The following SGMS1 variants were observed in gnomAD, a reference collection of about 807,000 sequenced individuals.
SGMS1 encodes phosphatidylcholine:ceramide cholinephosphotransferase 1.
SGMS1 carries 13 observed loss-of-function variants against 46.2 expected under a neutral mutation model. That is an observed-to-expected ratio of 0.28 (90% CI 0.18 to 0.45). SGMS1 has a LOEUF of 0.45. Among genes scored for constraint, SGMS1 ranks in the 20% least tolerant of loss-of-function variants. The pLI, the probability that SGMS1 is intolerant of heterozygous loss-of-function variation, is 1.00. For synonymous variants in SGMS1, 203 were observed against 187.8 expected, an observed-to-expected ratio of 1.08 and a Z score of -0.66; for missense variants, 324 against 519.9, an observed-to-expected ratio of 0.62 and a Z score of 3.66.
chr10:50,512,611 T>C (rs1351174362), intron 3 of SGMS1, among the ~76,000 whole-genome samples: 1 of 152,178 alleles, frequency 6.6e-6, no homozygotes. Context: ...GATCCAGCTA[T>C]GAGGAAGTTC....
intron 6 of SGMS1, among the ~76,000 whole-genome samples, chr10:50,384,412 TTC>T (rs1441088739): frequency 6.6e-6 from 1 of 151,736 alleles, no homozygotes; most frequent in Admixed American, 6.6e-5. Flanking sequence ...CTTTCCTTCC[TTC>T]TTTCTCCTTT....
chr10:50,614,388 G>A (rs1019154961), intron 1 of SGMS1, among the ~76,000 whole-genome samples: 3 of 152,162 alleles, frequency 2.0e-5, no homozygotes, highest in East Asian at 1.9e-4. Flanking sequence ...TTCATGAGGC[G>A]GAAGGCACTT....
intron 6 of SGMS1, among the ~76,000 whole-genome samples, chr10:50,355,587 C>A (rs547399516): frequency 6.6e-6 from 1 of 152,314 alleles, no homozygotes; most frequent in South Asian, 2.1e-4. Flanking sequence ...CAATGTTGCC[C>A]AGGCTGGAGT....
intron 5 of SGMS1, among the ~76,000 whole-genome samples, chr10:50,449,246 T>C (rs1488537545): frequency 6.6e-6 from 1 of 152,234 alleles, no homozygotes; most frequent in East Asian, 1.9e-4. Flanking sequence ...GCCTATGTAT[T>C]ATTTTTGCTT....
chr10:50,616,828 A>C (rs1202933799), intron 1 of SGMS1, among the ~76,000 whole-genome samples: 1 of 152,220 alleles, frequency 6.6e-6, no homozygotes, highest in Non-Finnish European at 1.5e-5. Flanking sequence ...AAAAAGATGA[A>C]ATGATGACCA....
chr10:50,605,845 C>A lies in SGMS1; in HGVS notation c.-683-15598G>T, dbSNP rs7096639. 9.2e-3 allele frequency among the ~76,000 whole-genome samples: 1,404 copies of A among 152,274 alleles called. 24 individuals carry two copies. The highest frequency in any genetic ancestry group is 0.032 in the African/African-American group (1,334 of 41,538). On this transcript the variant is annotated intron_variant, in intron 1 of 10. Transcript: ENST00000361781. ...GTCAGGGCTTTTAGGGTATCCATCC[C>A]TCAAATAATATACATCATACTCATT...
At chr10:50,436,583 G>A (rs1849476569) in intron 5 of SGMS1, among the ~76,000 whole-genome samples, 1 of 152,180 alleles carries the variant, frequency 6.6e-6, no homozygotes, top group Non-Finnish European at 1.5e-5. Context: ...ATTGTTACAA[G>A]CCCAGCACTT....
chr10:50,429,557 C>T (rs980661450), intron 6 of SGMS1, among the ~76,000 whole-genome samples: 7 of 152,012 alleles, frequency 4.6e-5, no homozygotes, highest in Non-Finnish European at 1.0e-4. Flanking sequence ...ACATGCATCC[C>T]CAAACTCACT....
chr10:50,400,441 AT>A, intron 6 of SGMS1, among the ~76,000 whole-genome samples: 1 of 54,458 alleles, frequency 1.8e-5, no homozygotes, highest in Non-Finnish European at 3.8e-5. Flanking sequence ...ATATATATAT[AT>A]ATATATATAT....
intron 8 of SGMS1, among the ~76,000 whole-genome samples, chr10:50,311,668 A>G (rs1847255470): frequency 6.6e-6 from 1 of 152,192 alleles, no homozygotes; most frequent in South Asian, 2.1e-4. Context: ...GTGTCAGTAG[A>G]TGTTTCCCCA....
At chr10:50,369,393 T>C (rs1564891646) in intron 6 of SGMS1, among the ~76,000 whole-genome samples, 1 of 152,072 alleles carries the variant, frequency 6.6e-6, no homozygotes, top group South Asian at 2.1e-4. Flanking sequence ...AGCTACTTGG[T>C]AGGCTGAGGC....
intron 6 of SGMS1, among the ~76,000 whole-genome samples, chr10:50,389,684 T>G (rs1359249212): frequency 6.6e-6 from 1 of 152,188 alleles, no homozygotes; most frequent in Non-Finnish European, 1.5e-5. Flanking sequence ...CAATTTCCAT[T>G]TATGAAAAGG....
At chr10:50,373,521 C>T (rs903691713) in intron 6 of SGMS1, among the ~76,000 whole-genome samples, 4 of 152,116 alleles carry the variant, frequency 2.6e-5, no homozygotes, top group African/African-American at 9.7e-5. Context: ...AAAAGCTTTT[C>T]AAGATTTTGT....
intron 2 of SGMS1, among the ~76,000 whole-genome samples, chr10:50,544,969 T>C (rs1317358623): frequency 1.3e-5 from 2 of 152,212 alleles, no homozygotes; most frequent in African/African-American, 4.8e-5. Context: ...CATAGCTTCT[T>C]TATGAAGGAG....
Position 50,569,616 on chromosome 10 carries a change from T to C in SGMS1, c.-589+20537A>G, listed in dbSNP as rs1056208189. On this transcript the variant is annotated intron_variant, in intron 2 of 10. Transcript: ENST00000361781. ...TGGTTTAGTGCACTGTGGGGTAGAT[T>C]TCTTATCAGAAAACAGGTATGTCAT... 2.0e-5 allele frequency among the ~76,000 whole-genome samples: 3 copies of C among 152,150 alleles called. No individual in the cohort carries two copies. In the South Asian group the frequency reaches 6.2e-4, roughly 32 times the overall value.
chr10:50,533,987 C>A (rs937200387), intron 2 of SGMS1, among the ~76,000 whole-genome samples: 4 of 152,056 alleles, frequency 2.6e-5, no homozygotes, highest in Admixed American at 2.6e-4. Flanking sequence ...GAGTTCAAGT[C>A]TAGCCTTGTC....
upstream of SGMS1, chr10:50,624,023 G>A: frequency 1.0e-6 from 1 of 985,532 alleles, no homozygotes; most frequent in South Asian, 4.7e-5. Context: ...CCGCTCCTCC[G>A]GGTGTTCACT....
At chr10:50,405,796 GGAATGTCATTTAGCT>G (rs1288271687) in intron 6 of SGMS1, among the ~76,000 whole-genome samples, 1 of 152,164 alleles carries the variant, frequency 6.6e-6, no homozygotes, top group African/African-American at 2.4e-5. Context: ...ACAAAAGCCT[GGAATGTCATTTAGCT>G]GAATGTCATT....
chr10:50,538,143 A>G (rs1838019885), intron 2 of SGMS1, among the ~76,000 whole-genome samples: 1 of 138,588 alleles, frequency 7.2e-6, no homozygotes, highest in Non-Finnish European at 1.5e-5. Flanking sequence ...AAGGTGCTGG[A>G]TAAGATGCAG....
Sources: allele counts gnomAD v4.1 joint callset (sites outside exome capture counted in the v4.1 genomes callset), GRCh38; gene constraint gnomAD v4.1.1; transcripts MANE v1.5; gene names NCBI Gene and HGNC (gene_info 2026-07-23, HGNC 2026-07-21).